The following RGS8 variants were observed in gnomAD, a reference collection of about 807,000 sequenced individuals.
RGS8 encodes regulator of G protein signaling 8.
Under a neutral mutation model 21.7 loss-of-function variants are expected in RGS8, and 8 were observed. That is an observed-to-expected ratio of 0.37 (90% CI 0.22 to 0.66). RGS8 has a LOEUF of 0.66. Among genes scored for constraint, RGS8 ranks in the 30% least tolerant of loss-of-function variants. The pLI is 0.59. For synonymous variants in RGS8, 80 were observed against 83.6 expected (o/e 0.96, Z 0.24); for missense variants, 157 against 217.9 (o/e 0.72, Z 1.76).
chr1:182,709,161 CT>C, the RGS8 span, among the ~76,000 whole-genome samples: 1 of 152,106 alleles, frequency 6.6e-6, no homozygotes, highest in Admixed American at 6.5e-5. Context: ...CACTGTCCAC[CT>C]TTTTCTAACT....
At chr1:182,699,694 T>C in the RGS8 span, among the ~76,000 whole-genome samples, 14 of 152,090 alleles carry the variant, frequency 9.2e-5, no homozygotes, top group Non-Finnish European at 1.8e-4. Flanking sequence ...GCCCTGGGGA[T>C]TGCAACGGGA....
chr1:182,748,192 T>C, the RGS8 span, among the ~76,000 whole-genome samples: 1 of 152,350 alleles, frequency 6.6e-6, no homozygotes, highest in African/African-American at 2.4e-5. Context: ...TGCTGTACAA[T>C]AGATCTCTTG....
the RGS8 span, among the ~76,000 whole-genome samples, chr1:182,728,694 G>A: frequency 6.6e-6 from 1 of 152,128 alleles, no homozygotes; most frequent in Non-Finnish European, 1.5e-5. Context: ...AACAATAATT[G>A]CATTAAGAAT....
At position 182,646,899 on chromosome 1, in the gene RGS8, T is replaced by A. The variant is rs369222256; in HGVS notation, c.379A>T (p.Thr127Ser). The A allele has an allele frequency of 1.9e-6, 3 of 1,613,510 alleles. No individual in the cohort carries two copies. The African/African-American group carries it at 4.0e-5, about 22-fold the overall frequency. ...AGGTTCTTCCTCGTGGCTTCTCGGG[T>A]CTGGAAGTCAATGTTTACCTAGAGA... is the stretch of plus-strand genomic sequence containing the variant. Residue 127 changes from threonine (T) to serine (S), a missense_variant, in exon 7 of 7, where the codon ACC (threonine) becomes TCC (serine). This residue lies in a region of RGS8 where 125 missense variants were observed against 179.4 expected (regional missense o/e 0.70). Coordinates refer to ENST00000483095, the Ensembl canonical transcript of RGS8.
chr1:182,652,697 A>T (rs919006890), intron 5 of RGS8, among the ~76,000 whole-genome samples: 2 of 152,206 alleles, frequency 1.3e-5, no homozygotes, highest in Non-Finnish European at 2.9e-5. Context: ...AGCCAAGAAA[A>T]CATAATGATG....
At chr1:182,710,915 A>T in the RGS8 span, among the ~76,000 whole-genome samples, 1 of 152,156 alleles carries the variant, frequency 6.6e-6, no homozygotes, top group Non-Finnish European at 1.5e-5. Context: ...GCCCCCTGCA[A>T]CCTTTCCCCA....
At chr1:182,700,399 C>T in the RGS8 span, among the ~76,000 whole-genome samples, 2 of 152,156 alleles carry the variant, frequency 1.3e-5, no homozygotes, top group Non-Finnish European at 2.9e-5. Context: ...CTGTATATTT[C>T]AATAAGCGCA....
the RGS8 span, among the ~76,000 whole-genome samples, chr1:182,743,245 A>G: frequency 1.3e-5 from 2 of 152,228 alleles, no homozygotes; most frequent in African/African-American, 2.4e-5. Context: ...AGTTGAATGA[A>G]CATGTATTGA....
the RGS8 span, among the ~76,000 whole-genome samples, chr1:182,746,786 A>T: frequency 6.6e-6 from 1 of 152,152 alleles, no homozygotes; most frequent in African/African-American, 2.4e-5. Flanking sequence ...TTTCACATTC[A>T]TTTGTCATCA....
At chr1:182,711,318 C>A in the RGS8 span, among the ~76,000 whole-genome samples, 1 of 152,168 alleles carries the variant, frequency 6.6e-6, no homozygotes, top group African/African-American at 2.4e-5. Context: ...AGACAGAGCC[C>A]CCTGACCCCA....
chr1:182,747,848 G>GA, the RGS8 span, among the ~76,000 whole-genome samples: 2,629 of 139,240 alleles, frequency 0.019, 49 homozygotes, highest in African/African-American at 0.042. Flanking sequence ...CTAAAAATAC[G>GA]AAAAAAAAAA....
At chr1:182,689,055 T>C (rs2102463304), upstream of RGS8, among the ~76,000 whole-genome samples, 1 of 152,296 alleles carries the variant, frequency 6.6e-6, no homozygotes, top group East Asian at 1.9e-4. Context: ...AAAACTAACA[T>C]AGAGGGGCTG....
In RGS8 at chr1:182,648,306, G is replaced by T; in HGVS notation, c.194-3C>A. ...GGCACGGAATGCAGCCACCCCATCT[G>T]CGGATGTGGGAGGAAGAAAAGAAGA... On this transcript the variant is annotated splice_region_variant and splice_polypyrimidine_tract_variant and intron_variant, in intron 5 of 6. Transcript: ENST00000483095. 1 of 1,612,046 alleles carries T rather than the reference G, an allele frequency of 6.2e-7. No homozygotes were observed. Among genetic ancestry groups the T allele is most frequent in the Non-Finnish European group, 8.5e-7 (1 of 1,179,112 alleles).
the RGS8 span, among the ~76,000 whole-genome samples, chr1:182,696,125 CT>C: frequency 7.6e-4 from 116 of 152,180 alleles, no homozygotes; most frequent in Non-Finnish European, 1.4e-3. Context: ...ATCTTGGTTT[CT>C]TCTCTAGTTC....
chr1:182,647,405 C>G (rs1662753904), intron 6 of RGS8, among the ~76,000 whole-genome samples: 1 of 152,140 alleles, frequency 6.6e-6, no homozygotes, highest in East Asian at 1.9e-4. Flanking sequence ...TTATAAAGGG[C>G]CTGTAGCATC....
intron 5 of RGS8, among the ~76,000 whole-genome samples, chr1:182,664,805 ACTTATT>A (rs1663773500): frequency 6.6e-6 from 1 of 152,236 alleles, no homozygotes. Context: ...TACAATATGT[ACTTATT>A]CTTAGATTTT....
chr1:182,665,096 C>T (rs1218167189), intron 5 of RGS8, among the ~76,000 whole-genome samples: 1 of 152,164 alleles, frequency 6.6e-6, no homozygotes, highest in Non-Finnish European at 1.5e-5. Flanking sequence ...TAAAAGCAGC[C>T]CTCTGTTCCC....
At chr1:182,644,523 C>A (rs1418104177), downstream of RGS8, 1 of 152,234 alleles carries the variant, frequency 6.6e-6, no homozygotes, top group East Asian at 1.9e-4. Flanking sequence ...CCACCATCTG[C>A]AGCCTTCGTT....
the RGS8 span, among the ~76,000 whole-genome samples, chr1:182,740,871 G>C: frequency 1.3e-5 from 2 of 152,256 alleles, no homozygotes; most frequent in African/African-American, 4.8e-5. Flanking sequence ...AGGGTTGGGG[G>C]TAAGGTCACC....
Sources: gnomAD v4.1 joint callset for allele counts (sites outside exome capture counted in the v4.1 genomes callset) on GRCh38, gnomAD v4.1.1 for gene constraint, gnomAD v4.1.1 regional missense constraint, MANE v1.5 for transcripts, NCBI Gene and HGNC (gene_info 2026-07-23, HGNC 2026-07-21) for gene names.